The following NAV3 variants were observed in gnomAD, a reference collection of about 807,000 sequenced individuals.
NAV3 encodes neuron navigator 3, also known as pore membrane and/or filament interacting like protein 1.
A neutral mutation model predicts 244.7 loss-of-function variants in NAV3; 87 were observed. The ratio of observed to expected loss-of-function variants is 0.36; its 90% CI spans 0.30 to 0.42. The LOEUF is 0.42. Ranked by LOEUF, NAV3 falls within the 20% of genes least tolerant of loss-of-function variation. The pLI, the probability that NAV3 is intolerant of heterozygous loss-of-function variation, is 1.00. For missense variants in NAV3, 2,663 were observed against 2,893.3 expected (o/e 0.92, Z 1.83); for synonymous variants, 1,126 against 1,042.2 (o/e 1.08, Z -1.55).
At chr12:77,728,393 A>G (rs1161305842) in intron 2 of NAV3, among the ~76,000 whole-genome samples, 2 of 150,708 alleles carry the variant, frequency 1.3e-5, no homozygotes, top group African/African-American at 5.0e-5. Flanking sequence ...GTGCAAAACT[A>G]GAGACAGAAA....
chr12:77,762,821 C>A (rs897090391), intron 2 of NAV3, among the ~76,000 whole-genome samples: 3 of 151,978 alleles, frequency 2.0e-5, no homozygotes, highest in African/African-American at 7.3e-5. Flanking sequence ...GTTGTTACTA[C>A]TCTAGACAAT....
chr12:78,016,918 GA>G (rs750241516), intron 8 of NAV3, among the ~76,000 whole-genome samples: 8 of 152,040 alleles, frequency 5.3e-5, no homozygotes, highest in Non-Finnish European at 1.0e-4. Flanking sequence ...TTTAACGACC[GA>G]GTGACTGAGC....
intron 1 of NAV3, among the ~76,000 whole-genome samples, chr12:77,917,565 T>A (rs1227626295): frequency 9.2e-5 from 14 of 152,054 alleles, no homozygotes; most frequent in Admixed American, 9.2e-4. Context: ...TTTTCTACTA[T>A]TGTCTTACTT....
rs757731404 is a variant in NAV3 at position 78,050,965 on chromosome 12, G to T, written c.2334G>T (p.Arg778Ser). The change falls in exon 11 of 40, where the codon AGG becomes AGT. Residue 778 changes from arginine (R) to serine (S), a missense_variant. Arg to Ser is a moderately radical substitution (Grantham distance 110). Around this residue, in one of 6 missense-constraint regions of NAV3, gnomAD observed 1,521 missense variants for 1,497.0 expected, o/e 1.02. Coordinates refer to ENST00000397909, the MANE Select transcript of NAV3 (RefSeq NM_001024383.2). ...GATTCATCCACACAGACCCCTCGAG[G>T]TTCATGTATACCACGCCTCTCCGTC... ...TSRFIHTDPSRFMYTTPLRRA... is the reference protein window; with the variant it reads ...TSRFIHTDPSSFMYTTPLRRA... 1 of 1,614,106 alleles carries T rather than the reference G, an allele frequency of 6.2e-7. No individual in the cohort carries two copies. Among genetic ancestry groups the T allele is most frequent in the East Asian group, 2.2e-5 (1 of 44,852 alleles).
intron 2 of NAV3, among the ~76,000 whole-genome samples, chr12:77,586,056 G>A (rs1869595923): frequency 6.6e-6 from 1 of 152,084 alleles, no homozygotes; most frequent in Non-Finnish European, 1.5e-5. Flanking sequence ...CAGGTACTCG[G>A]GAGGCTGAGG....
At chr12:77,634,870 G>C (rs1565746383) in intron 2 of NAV3, among the ~76,000 whole-genome samples, 1 of 152,060 alleles carries the variant, frequency 6.6e-6, no homozygotes, top group Non-Finnish European at 1.5e-5. Flanking sequence ...AAGGATTTAT[G>C]AATAGTGAGC....
chr12:78,054,208 A>G (rs988749956), intron 11 of NAV3, among the ~76,000 whole-genome samples: 16 of 152,212 alleles, frequency 1.1e-4, no homozygotes, highest in African/African-American at 3.6e-4. Context: ...TAAAATACAT[A>G]TATAAGAAAA....
chr12:78,176,465 T>G lies in NAV3; in HGVS notation c.5124+6T>G, dbSNP rs1416654820. On this transcript the variant is annotated splice_donor_region_variant and intron_variant, in intron 26 of 39. Coordinates refer to ENST00000397909, the MANE Select transcript of NAV3 (RefSeq NM_001024383.2). ...TGAACTCTAGAGGAAGTGAGGTGAA[T>G]ATAAACCGTGGACAATTTGGCATGC... 1 of 1,612,610 alleles carries G rather than the reference T, an allele frequency of 6.2e-7. No homozygotes were observed. Among genetic ancestry groups the G allele is most frequent in the Non-Finnish European group, 8.5e-7 (1 of 1,179,168 alleles).
chr12:77,721,545 T>C (rs919947015), intron 2 of NAV3, among the ~76,000 whole-genome samples: 3 of 152,186 alleles, frequency 2.0e-5, no homozygotes, highest in African/African-American at 7.2e-5. Context: ...TTAAATTAGT[T>C]CTAGATATTT....
intron 12 of NAV3, among the ~76,000 whole-genome samples, chr12:78,108,541 A>G (rs950827558): frequency 6.6e-6 from 1 of 152,140 alleles, no homozygotes; most frequent in African/African-American, 2.4e-5. Context: ...TCCAAGATAG[A>G]CCACCATATG....
rs2135854046 is a variant in NAV3, at chr12:77,765,599, A to G, written c.73-174720A>G. Among the ~76,000 whole-genome samples, 2 of 152,338 alleles carry G rather than the reference A, an allele frequency of 1.3e-5. 1 individual carries two copies. The highest frequency in any genetic ancestry group is 4.1e-4 in the South Asian group (2 of 4,828). On this transcript the variant is annotated intron_variant, in intron 2 of 8. Coordinates refer to the NAV3 transcript ENST00000550042. ...AATCCAAATGAAAGAAAGAACATGA[A>G]CAAAGACATGCAGTCCTGAAGGAAC...
chr12:77,975,033 A>G (rs1014176038), intron 5 of NAV3, among the ~76,000 whole-genome samples: 1 of 152,208 alleles, frequency 6.6e-6, no homozygotes, highest in African/African-American at 2.4e-5. Context: ...GTTTAATTAA[A>G]TATATGAAAA....
At chr12:77,945,037 G>A (rs549702199) in intron 3 of NAV3, among the ~76,000 whole-genome samples, 4 of 152,024 alleles carry the variant, frequency 2.6e-5, no homozygotes, top group Admixed American at 1.3e-4. Context: ...AGTGAATAAC[G>A]TGTTAAAAAG....
At chr12:77,692,517 TG>T (rs1221423022) in intron 2 of NAV3, among the ~76,000 whole-genome samples, 2 of 152,048 alleles carry the variant, frequency 1.3e-5, no homozygotes, top group South Asian at 2.1e-4. Flanking sequence ...TTACTAAGCA[TG>T]GGGTATGATA....
chr12:77,904,793 A>G (rs1022909738), intron 1 of NAV3, among the ~76,000 whole-genome samples: 3 of 152,122 alleles, frequency 2.0e-5, no homozygotes. Context: ...ATCCTATCTT[A>G]TTTTGGACTT....
intron 12 of NAV3, among the ~76,000 whole-genome samples, chr12:78,061,333 G>A (rs1307057877): frequency 6.6e-6 from 1 of 152,242 alleles, no homozygotes. Context: ...CCTATTAGCT[G>A]TGTTCTGTCA....
intron 2 of NAV3, among the ~76,000 whole-genome samples, chr12:77,654,394 G>A (rs1207198450): frequency 6.6e-6 from 1 of 152,216 alleles, no homozygotes; most frequent in Non-Finnish European, 1.5e-5. Context: ...CGGCAGCGAG[G>A]CTGGGGGAGG....
rs148341511 is a variant in NAV3 at position 78,203,103 on chromosome 12, T to G, written c.6835-1832T>G. Among the ~76,000 whole-genome samples, 374 of 152,256 alleles carry G rather than the reference T, an allele frequency of 2.5e-3. 5 individuals are homozygous for G. Among genetic ancestry groups the G allele is most frequent in the African/African-American group, 8.0e-3 (332 of 41,554 alleles). On this transcript the variant is annotated intron_variant, in intron 38 of 39. Coordinates refer to ENST00000397909, the MANE Select transcript of NAV3 (RefSeq NM_001024383.2). ...TGGATTTTGATTTTTTTCTGGTGGA[T>G]TCTTTCTTAACTAGTCAGCTATCAA...
intron 11 of NAV3, among the ~76,000 whole-genome samples, chr12:78,055,066 A>G (rs1342953133): frequency 6.6e-6 from 1 of 152,162 alleles, no homozygotes; most frequent in African/African-American, 2.4e-5. Context: ...TATTAAAAAT[A>G]TTTATCGAGT....
Sources: gnomAD v4.1 joint callset for allele counts (sites outside exome capture counted in the v4.1 genomes callset) on GRCh38, gnomAD v4.1.1 for gene constraint, gnomAD v4.1.1 regional missense constraint, MANE v1.5 for transcripts, NCBI Gene and HGNC (gene_info 2026-07-23, HGNC 2026-07-21) for gene names.